Variants in USP35 observed in about 807,000 individuals in gnomAD.
USP35 encodes the protein ubiquitin specific peptidase 35.
In USP35, 69 loss-of-function variants were observed where a neutral mutation model predicts 83.8. The ratio of observed to expected loss-of-function variants is 0.82; its 90% CI spans 0.68 to 1.01. The LOEUF (loss-of-function observed/expected upper bound fraction) is 1.01, where lower values mean the gene tolerates loss of function less well. USP35 is among the 50% of genes least tolerant of loss of function. USP35 has a pLI of 0.00. For synonymous variants in USP35, 714 were observed against 589.5 expected (o/e 1.21, Z -3.06); for missense variants, 1,503 against 1,362.5 (o/e 1.10, Z -1.62).
At chr11:78,189,642 C>A (rs755110635) in intron 1 of USP35, among the ~76,000 whole-genome samples, 23 of 152,148 alleles carry the variant, frequency 1.5e-4, no homozygotes, top group Non-Finnish European at 3.2e-4. Flanking sequence ...AGCTTGGTGC[C>A]CTTCCTTCCA....
At chr11:78,203,208 G>A (rs1863412377) in intron 6 of USP35, among the ~76,000 whole-genome samples, 1 of 152,134 alleles carries the variant, frequency 6.6e-6, no homozygotes, top group South Asian at 2.1e-4. Flanking sequence ...CCCGCGCCTT[G>A]AGAAGATCCT....
the USP35 span, chr11:78,220,315 G>C: frequency 6.2e-7 from 1 of 1,612,150 alleles, no homozygotes; most frequent in Non-Finnish European, 8.5e-7. Context: ...TCTACTCCAG[G>C]CACCTTGCGG....
At chr11:78,220,181 TGCATCATAAAA>T, downstream of USP35, 1 of 811,598 alleles carries the variant, frequency 1.2e-6, no homozygotes, top group African/African-American at 1.7e-5. Flanking sequence ...TGACTAAAGA[TGCATCATAAAA>T]GCTGGGTACT....
chr11:78,204,116 T>C (rs1220912032), intron 6 of USP35, among the ~76,000 whole-genome samples: 1 of 151,862 alleles, frequency 6.6e-6, no homozygotes, highest in African/African-American at 2.4e-5. Flanking sequence ...GGTCTCGATC[T>C]CCTGACCTCG....
At chr11:78,201,311 C>T (rs1863352571) in intron 6 of USP35, among the ~76,000 whole-genome samples, 1 of 152,180 alleles carries the variant, frequency 6.6e-6, no homozygotes, top group East Asian at 1.9e-4. Flanking sequence ...CACTCCAGAC[C>T]AGGGATAATT....
chr11:78,197,982 C>T lies in USP35; in HGVS notation c.720C>T (p.Leu240=). The T allele has an allele frequency of 1.9e-6, 3 of 1,614,240 alleles. No homozygotes were observed. Among genetic ancestry groups the T allele is most frequent in the Non-Finnish European group, 1.7e-6 (2 of 1,180,042 alleles). The change falls in exon 3 of 11, where the codon CTC becomes CTT. Residue 240 remains leucine, a synonymous_variant. Coordinates refer to ENST00000529308, the MANE Select transcript of USP35 (RefSeq NM_020798.4). The part of the protein sequence containing the change: ...SSALASVVQH[L]PLELMDGVVR... ...CCCTGGCCAGCGTGGTCCAGCACCT[C>T]CCATTGGAGCTCATGGATGGTGTTG... is the stretch of plus-strand genomic sequence containing the variant.
At chr11:78,226,736 G>C in the USP35 span, 1 of 1,613,902 alleles carries the variant, frequency 6.2e-7, no homozygotes, top group Non-Finnish European at 8.5e-7. Flanking sequence ...CATCCATATT[G>C]TCTACCAGGA....
At chr11:78,208,099 A>G (rs1264265608) in intron 8 of USP35, among the ~76,000 whole-genome samples, 1 of 152,170 alleles carries the variant, frequency 6.6e-6, no homozygotes, top group Admixed American at 6.5e-5. Flanking sequence ...TCACCCTTTT[A>G]TCAGGAACCT....
chr11:78,199,545 A>T, intron 3 of USP35, 50 bp from the exon 4 acceptor site: 1 of 1,612,502 alleles, frequency 6.2e-7, no homozygotes, highest in South Asian at 1.1e-5. Context: ...CCCTCACCCC[A>T]GCATTTTGGG....
chr11:78,189,116 G>T lies in USP35; in HGVS notation c.-52G>T, dbSNP rs1311697346. ...CAGCCTCGTCCTGCCCGGCCTGAGC[G>T]CCCCGCCCAGCAGCCGGCTCTGGCC... is the stretch of plus-strand genomic sequence containing the variant. On this transcript the variant is annotated 5_prime_UTR_variant, in exon 1 of 11. Coordinates refer to ENST00000529308, the MANE Select transcript of USP35 (RefSeq NM_020798.4). 4 of 307,744 alleles carry T rather than the reference G, an allele frequency of 1.3e-5. 1 individual carries two copies. Among genetic ancestry groups the T allele is most frequent in the Non-Finnish European group, 1.9e-5 (4 of 210,462 alleles). The allele number at this position is 307,744 out of a possible 1,614,324, so 19.1% of individuals were successfully genotyped here.
intron 1 of USP35, among the ~76,000 whole-genome samples, chr11:78,195,212 G>C: frequency 6.6e-6 from 1 of 152,228 alleles, no homozygotes; most frequent in East Asian, 1.9e-4. Flanking sequence ...GGCCCCAGCG[G>C]ATTGTAGGAA....
In USP35 at chr11:78,200,160, G is replaced by A. The variant is rs1232198154; in HGVS notation, c.964G>A (p.Val322Ile). ...KVFSKLLYPI[V>I]RGAALSVLKY... Reference sequence around the variant, plus strand: ...TTTCTCTAAGCTGCTGTACCCCATCGTCCGGGGAGCTGCCTTGTCTGTGCT... The same window carrying A: ...TTTCTCTAAGCTGCTGTACCCCATCATCCGGGGAGCTGCCTTGTCTGTGCT... Residue 322 changes from valine (V) to isoleucine (I), a missense_variant, in exon 5 of 11, where the codon GTC becomes ATC. Physicochemically the swap from Val to Ile is conservative, Grantham distance 29 (BLOSUM62 3). Transcript: ENST00000529308. 8.1e-6 allele frequency: 13 copies of A among 1,614,068 alleles called. No individual in the cohort carries two copies. The highest frequency in any genetic ancestry group is 1.1e-5 in the South Asian group (1 of 91,086).
intron 10 of USP35, among the ~76,000 whole-genome samples, chr11:78,212,757 G>A (rs1863837546): frequency 6.6e-6 from 1 of 152,138 alleles, no homozygotes; most frequent in Admixed American, 6.5e-5. Context: ...CATCTTGAGA[G>A]TTGCTGAAGT....
intron 3 of USP35, chr11:78,199,346 G>A (rs1020851904): frequency 2.4e-5 from 12 of 495,466 alleles, no homozygotes; most frequent in South Asian, 1.6e-4. Flanking sequence ...GTGGAGGGGC[G>A]AGACTTGGGG....
chr11:78,203,583 A>AT (rs1315163063), intron 6 of USP35, among the ~76,000 whole-genome samples: 8,397 of 146,538 alleles, frequency 0.057, 718 homozygotes, highest in African/African-American at 0.19. Flanking sequence ...TTAATATTAC[A>AT]TTTTTTTTTT....
At chr11:78,220,371 A>G in the USP35 span, 1 of 1,613,040 alleles carries the variant, frequency 6.2e-7, no homozygotes, top group Non-Finnish European at 8.5e-7. Context: ...CAGATAATCA[A>G]CGCTGCCGGT....
At chr11:78,197,226 G>A (rs985339100) in intron 2 of USP35, among the ~76,000 whole-genome samples, 6 of 145,834 alleles carry the variant, frequency 4.1e-5, no homozygotes, top group Admixed American at 2.0e-4. Context: ...ACAGGATTTG[G>A]GGCGGGGGAG....
chr11:78,229,607 C>T, the USP35 span, among the ~76,000 whole-genome samples: 13 of 152,212 alleles, frequency 8.5e-5, no homozygotes, highest in Admixed American at 5.9e-4. Flanking sequence ...CTCTCTGATC[C>T]TTCCATCCTA....
In USP35 at chr11:78,209,583, T is replaced by A. The variant is rs1486706571; in HGVS notation, c.1728T>A (p.Thr576=). The A allele has an allele frequency of 3.7e-6, 6 of 1,613,986 alleles. No homozygotes were observed. Among genetic ancestry groups the A allele is most frequent in the African/African-American group, 1.3e-5 (1 of 74,896 alleles). ...VEKMFGGKIV[T]RICCLCCLNV... is the part of the protein sequence containing the mutation. ...AAATGTTTGGAGGCAAGATAGTGAC[T>A]CGGATCTGCTGTCTCTGCTGCCTCA... The change falls in exon 10 of 11, where the codon ACT becomes ACA. Residue 576 remains threonine, a synonymous_variant. Coordinates refer to ENST00000529308, the MANE Select transcript of USP35 (RefSeq NM_020798.4).
Sources: gnomAD v4.1 joint callset for allele counts (sites outside exome capture counted in the v4.1 genomes callset) on GRCh38, gnomAD v4.1.1 for gene constraint, MANE v1.5 for transcripts, NCBI Gene and HGNC (gene_info 2026-07-23, HGNC 2026-07-21) for gene names.